ZNF92: variants seen among roughly 807,000 people sequenced by gnomAD.
ZNF92 encodes epididymis luminal protein 203.
ZNF92 carries 11 observed loss-of-function variants against 12.4 expected under a neutral mutation model. The observed-to-expected ratio is 0.89, with a 90% CI of 0.56 to 1.47. The LOEUF (loss-of-function observed/expected upper bound fraction) is 1.47. Ranked by LOEUF, ZNF92 falls within the 40% of genes most tolerant of loss-of-function variation. The pLI is 0.00. For missense variants in ZNF92, 622 were observed against 681.0 expected, an observed-to-expected ratio of 0.91 and a Z score of 0.96; for synonymous variants, 206 against 228.6, an observed-to-expected ratio of 0.90 and a Z score of 0.89.
chr7:65,387,608 A>G (rs1474779369), intron 1 of ZNF92, among the ~76,000 whole-genome samples: 2 of 152,056 alleles, frequency 1.3e-5, no homozygotes, highest in African/African-American at 4.8e-5. Context: ...AAACATATAC[A>G]CTCAGAAATG....
intron 3 of ZNF92, among the ~76,000 whole-genome samples, chr7:65,392,116 A>G (rs1793731970): frequency 1.3e-5 from 2 of 152,224 alleles, no homozygotes; most frequent in South Asian, 4.1e-4. Flanking sequence ...TAAGTCAGCC[A>G]TATGTCCATC....
intron 1 of ZNF92, among the ~76,000 whole-genome samples, chr7:65,380,842 A>C (rs1191960471): frequency 6.6e-6 from 1 of 152,100 alleles, no homozygotes; most frequent in Non-Finnish European, 1.5e-5. Flanking sequence ...TTACCCTGCA[A>C]CTTTGCCAGC....
chr7:65,390,620 G>A (rs909861488), intron 3 of ZNF92, among the ~76,000 whole-genome samples: 3 of 151,944 alleles, frequency 2.0e-5, no homozygotes, highest in African/African-American at 4.8e-5. Context: ...TTGCTCTGTC[G>A]GGCAGACACT....
rs1793614944 is a variant in ZNF92, at chr7:65,387,906, C to T, written c.8C>T (p.Pro3Leu). ...GTGTGTGTGTGTGTTTTTCAGGGACCACTGACATTTAGGGATGTGAAAATA... is the reference window on the plus strand; with the variant it reads ...GTGTGTGTGTGTGTTTTTCAGGGACTACTGACATTTAGGGATGTGAAAATA... The part of the protein sequence containing the change: MG[P>L]LTFRDVKIEF... Residue 3 changes from proline (P) to leucine (L), a missense_variant, in exon 2 of 4, where the codon CCA becomes CTA. Coordinates refer to ENST00000328747, the MANE Select transcript of ZNF92 (RefSeq NM_152626.4). 2 of 1,601,924 alleles carry T rather than the reference C, an allele frequency of 1.2e-6. No homozygotes were observed. Among genetic ancestry groups the T allele is most frequent in the East Asian group, 2.3e-5 (1 of 44,422 alleles).
intron 3 of ZNF92, among the ~76,000 whole-genome samples, chr7:65,391,483 T>C (rs1793706815): frequency 6.6e-6 from 1 of 152,140 alleles, no homozygotes; most frequent in African/African-American, 2.4e-5. Flanking sequence ...CCATAATTAC[T>C]AAAATAGTTA....
At chr7:65,380,405 T>C (rs1036053711) in intron 1 of ZNF92, among the ~76,000 whole-genome samples, 2 of 152,100 alleles carry the variant, frequency 1.3e-5, no homozygotes, top group Non-Finnish European at 2.9e-5. Flanking sequence ...TAGCTGGGAC[T>C]ACAGCGTGCA....
At position 65,401,007 on chromosome 7, in the gene ZNF92, GAA is replaced by G. The variant is rs567597169; in HGVS notation, c.*1138_*1139del. 50 of 151,954 alleles carry G rather than the reference GAA, an allele frequency of 3.3e-4. No individual in the cohort carries two copies. The highest frequency in any genetic ancestry group is 1.2e-3 in the African/African-American group (50 of 41,458). 9.4% of individuals were successfully genotyped at this position (151,954 alleles called of 1,614,324 possible). A position where few individuals can be genotyped will look rare whatever the true frequency, so the allele number is the denominator to read the frequency against. ...CTAACATTCTTTTGCAGTATAGTGAGAAAAAAACATTTTAAAATTAATTATCA... is the reference window on the plus strand; with the variant it reads ...CTAACATTCTTTTGCAGTATAGTGAGAAAAACATTTTAAAATTAATTATCA... On this transcript the variant is annotated 3_prime_UTR_variant, in exon 4 of 4. Transcript: ENST00000328747.
In ZNF92 at chr7:65,399,045, A is replaced by G. The variant is rs1304526589; in HGVS notation, c.931A>G (p.Lys311Glu). Residue 311 changes from lysine to glutamate, a missense_variant, in exon 4 of 4, where the codon AAA becomes GAA. Lys to Glu is a moderately conservative substitution (Grantham distance 56). Coordinates refer to ENST00000328747, the MANE Select transcript of ZNF92 (RefSeq NM_152626.4). Reference sequence around the variant, plus strand: ...ACATAAGAGAATTCATATGGAAGATAAACCCTACAAATGTGAAGAATGTGG... The same window carrying G: ...ACATAAGAGAATTCATATGGAAGATGAACCCTACAAATGTGAAGAATGTGG... ...NKHKRIHMEDKPYKCEECGKA... is the reference protein window; with the variant it reads ...NKHKRIHMEDEPYKCEECGKA... 6.2e-7 allele frequency: 1 copy of G among 1,613,410 alleles called. No individual in the cohort carries two copies. The highest frequency in any genetic ancestry group is 1.3e-5 in the African/African-American group (1 of 75,000).
chr7:65,391,285 A>G (rs1003861905), intron 3 of ZNF92, among the ~76,000 whole-genome samples: 7 of 151,834 alleles, frequency 4.6e-5, no homozygotes, highest in Admixed American at 6.6e-5. Flanking sequence ...TGGCTGACAA[A>G]TTTTCTTGCT....
At chr7:65,385,641 C>A (rs144917375) in intron 1 of ZNF92, among the ~76,000 whole-genome samples, 23 of 151,604 alleles carry the variant, frequency 1.5e-4, no homozygotes, top group African/African-American at 5.3e-4. Flanking sequence ...CATAGAGCAG[C>A]TTATTTTTCC....
At chr7:65,380,511 A>G (rs1033178382) in intron 1 of ZNF92, among the ~76,000 whole-genome samples, 3 of 152,090 alleles carry the variant, frequency 2.0e-5, no homozygotes, top group Non-Finnish European at 2.9e-5. Flanking sequence ...AGCTCACGCA[A>G]TCCACCTGCC....
intron 1 of ZNF92, among the ~76,000 whole-genome samples, chr7:65,385,255 A>G (rs1179456942): frequency 6.6e-6 from 1 of 152,012 alleles, no homozygotes; most frequent in Non-Finnish European, 1.5e-5. Context: ...TTATAAGCTT[A>G]TCAGTGCTTG....
intron 1 of ZNF92, among the ~76,000 whole-genome samples, chr7:65,380,734 T>C (rs1793385503): frequency 6.6e-6 from 1 of 152,132 alleles, no homozygotes; most frequent in Admixed American, 6.5e-5. Flanking sequence ...GTGGGTCAAA[T>C]GGTAATTCTG....
Position 65,399,419 on chromosome 7 carries a change from C to G in ZNF92, c.1305C>G (p.Ser435Arg), listed in dbSNP as rs968557859. ...GTGAAAAATGTGGCAAGGCCTTTAG[C>G]TGGTCCTCAGCTTTTACTAAACATA... Reference protein sequence around the residue: ...YKCEKCGKAFSWSSAFTKHKR... With the variant: ...YKCEKCGKAFRWSSAFTKHKR... Residue 435 changes from serine to arginine, a missense_variant, in exon 4 of 4, where the codon AGC (serine) becomes AGG (arginine). Transcript: ENST00000328747. The G allele has an allele frequency of 5.6e-6, 9 of 1,613,222 alleles. No homozygotes were observed. The highest frequency in any genetic ancestry group is 7.6e-6 in the Non-Finnish European group (9 of 1,179,696).
In ZNF92 at chr7:65,373,892, A is replaced by G. The variant is rs1188205797; in HGVS notation, c.-106A>G. On this transcript the variant is annotated 5_prime_UTR_variant, in exon 1 of 4. Transcript: ENST00000328747. ...AGCCGGCGCTCCACGTCTAGTCTTCACTGCTCTGCGTCCTGTGCTGATAAA... is the reference window on the plus strand; with the variant it reads ...AGCCGGCGCTCCACGTCTAGTCTTCGCTGCTCTGCGTCCTGTGCTGATAAA... The G allele has an allele frequency of 1.4e-5, 21 of 1,515,224 alleles. No individual in the cohort carries two copies. Among genetic ancestry groups the G allele is most frequent in the Non-Finnish European group, 1.9e-5 (21 of 1,090,910 alleles). 93.9% of individuals were successfully genotyped at this position (1,515,224 alleles called of 1,614,324 possible).
rs1376016169 is a variant in ZNF92 at position 65,398,472 on chromosome 7, G to A, written c.358G>A (p.Val120Met). 6.2e-7 allele frequency: 1 copy of A among 1,613,216 alleles called. No individual in the cohort carries two copies. Among genetic ancestry groups the A allele is most frequent in the Non-Finnish European group, 8.5e-7 (1 of 1,179,710 alleles). ...NLQLRKDHKS[V>M]DACKVYKGGY... Reference sequence around the variant, plus strand: ...ACAGCTAAGAAAAGACCATAAAAGTGTGGATGCATGTAAGGTGTACAAAGG... The same window carrying A: ...ACAGCTAAGAAAAGACCATAAAAGTATGGATGCATGTAAGGTGTACAAAGG... Residue 120 changes from valine to methionine, a missense_variant, in exon 4 of 4, where the codon GTG becomes ATG. Transcript: ENST00000328747.
intron 2 of ZNF92, 54 bp from the exon 3 acceptor site, chr7:65,388,752 T>G (rs1793635111): frequency 7.0e-7 from 1 of 1,425,054 alleles, no homozygotes; most frequent in Admixed American, 1.8e-5. Context: ...TATTACTATG[T>G]TGGTAATTGG....
intron 1 of ZNF92, among the ~76,000 whole-genome samples, chr7:65,380,607 G>A (rs542451413): frequency 7.2e-5 from 11 of 152,216 alleles, no homozygotes; most frequent in South Asian, 4.1e-4. Flanking sequence ...ACCATTGAGG[G>A]TATTTAGGTT....
chr7:65,386,739 A>T (rs954044382), intron 1 of ZNF92, among the ~76,000 whole-genome samples: 7 of 152,230 alleles, frequency 4.6e-5, no homozygotes, highest in Non-Finnish European at 8.8e-5. Flanking sequence ...TTATGGTTAA[A>T]TTCAGGCTAT....
Sources: allele counts gnomAD v4.1 joint callset (sites outside exome capture counted in the v4.1 genomes callset), GRCh38; gene constraint gnomAD v4.1.1; transcripts MANE v1.5; gene names NCBI Gene and HGNC (gene_info 2026-07-23, HGNC 2026-07-21).